Variants in MEIKIN observed in about 807,000 individuals in gnomAD.
MEIKIN encodes meiosis-specific kinetochore protein.
rs1422689728 is a variant in MEIKIN, at chr5:131,945,534, G to A, written c.-29C>T. 2.5e-6 allele frequency: 1 copy of A among 399,906 alleles called. No individual in the cohort carries two copies. Among genetic ancestry groups the A allele is most frequent in the Non-Finnish European group, 4.4e-6 (1 of 226,204 alleles). 24.8% of individuals were successfully genotyped at this position (399,906 alleles called of 1,614,324 possible). The stretch of plus-strand genomic sequence containing the variant: ...TATCCCACCCTACCCCCAGGCCACG[G>A]GTGCCTCTGGACTCTCGATGGCCTG... On this transcript the variant is annotated 5_prime_UTR_variant, in exon 1 of 13. Transcript: ENST00000442687.
At chr5:131,934,416 A>G (rs1580914546) in intron 4 of MEIKIN, among the ~76,000 whole-genome samples, 1 of 152,194 alleles carries the variant, frequency 6.6e-6, no homozygotes, top group African/African-American at 2.4e-5. Flanking sequence ...AGACTCACAC[A>G]TAGATAAGCA....
At chr5:131,810,552 T>C (rs1772934474) in intron 12 of MEIKIN, among the ~76,000 whole-genome samples, 1 of 152,174 alleles carries the variant, frequency 6.6e-6, no homozygotes, top group South Asian at 2.1e-4. Flanking sequence ...ATGAGTAAAA[T>C]AGACTAATGA....
intron 11 of MEIKIN, among the ~76,000 whole-genome samples, chr5:131,820,079 T>TG (rs1749465001): frequency 7.1e-6 from 1 of 140,914 alleles, no homozygotes; most frequent in Non-Finnish European, 1.5e-5. Context: ...CCGGCCTTTT[T>TG]TTTTTTTTTT....
At chr5:131,941,310 C>A (rs1243189458) in intron 4 of MEIKIN, among the ~76,000 whole-genome samples, 1 of 148,376 alleles carries the variant, frequency 6.7e-6, no homozygotes, top group Non-Finnish European at 1.5e-5. Context: ...AGGCGCCTGC[C>A]ACCACGCCTG....
chr5:131,866,525 C>T (rs1750388335), intron 9 of MEIKIN, among the ~76,000 whole-genome samples: 1 of 152,134 alleles, frequency 6.6e-6, no homozygotes, highest in South Asian at 2.1e-4. Context: ...GGGTTGCTTC[C>T]CCCGGGAACA....
rs151126988 is a variant in MEIKIN at position 131,924,923 on chromosome 5, A to G, written c.479-2982T>C. 7.9e-3 allele frequency among the ~76,000 whole-genome samples: 1,208 copies of G among 152,178 alleles called. 8 individuals carry two copies. The highest frequency in any genetic ancestry group is 0.011 in the Non-Finnish European group (763 of 68,000). On this transcript the variant is annotated intron_variant, in intron 5 of 12. Transcript: ENST00000442687. ...ACTAATGTTATGAAGCTTTTCCCCTATGTTTTCTTCTAGGAGTTTTACAGC... is the reference window on the plus strand; with the variant it reads ...ACTAATGTTATGAAGCTTTTCCCCTGTGTTTTCTTCTAGGAGTTTTACAGC...
chr5:131,920,995 C>T (rs1040039831), intron 6 of MEIKIN, among the ~76,000 whole-genome samples: 13 of 152,092 alleles, frequency 8.5e-5, no homozygotes, highest in East Asian at 3.9e-4. Context: ...AGCCACTGCA[C>T]CCAGCCATAA....
chr5:131,818,830 T>C lies in MEIKIN; in HGVS notation c.1009A>G (p.Ile337Val), dbSNP rs1168612620. 2 of 398,028 alleles carry C rather than the reference T, an allele frequency of 5.0e-6. No individual in the cohort carries two copies. The highest frequency in any genetic ancestry group is 8.9e-6 in the Non-Finnish European group (2 of 225,808). 24.7% of individuals were successfully genotyped at this position (398,028 alleles called of 1,614,324 possible). A position where few individuals can be genotyped will look rare whatever the true frequency, so the allele number is the denominator to read the frequency against. ...PANASEICCI[I>V]RTSPGTRQVK... ...TGTCTAGTTCCTGGTGATGTTCTAATAATACAACATATTTCTGATGCATTT... is the reference window on the plus strand; with the variant it reads ...TGTCTAGTTCCTGGTGATGTTCTAACAATACAACATATTTCTGATGCATTT... The change falls in exon 12 of 13, where the codon ATT becomes GTT. Residue 337 changes from isoleucine to valine, a missense_variant. Ile to Val is a conservative substitution (Grantham distance 29, BLOSUM62 3). Coordinates refer to ENST00000442687, the MANE Select transcript of MEIKIN (RefSeq NM_001303622.2).
chr5:131,850,048 C>CA (rs201466476), intron 11 of MEIKIN, among the ~76,000 whole-genome samples: 978 of 80,208 alleles, frequency 0.012, 8 homozygotes, highest in African/African-American at 0.025. Context: ...AAGAAATTAC[C>CA]AAAAAAAACA....
At chr5:131,938,328 C>T (rs902990440) in intron 4 of MEIKIN, among the ~76,000 whole-genome samples, 7 of 151,856 alleles carry the variant, frequency 4.6e-5, no homozygotes, top group East Asian at 1.9e-4. Flanking sequence ...CCGCCATGCC[C>T]GGCTAATTTT....
intron 8 of MEIKIN, among the ~76,000 whole-genome samples, chr5:131,890,792 C>A (rs926129920): frequency 3.9e-5 from 6 of 152,198 alleles, no homozygotes; most frequent in African/African-American, 7.2e-5. Context: ...CTCTCTAGTT[C>A]TTTTAATTGT....
rs907970758 is a variant in MEIKIN at position 131,836,150 on chromosome 5, G to A, written c.975+15114C>T. Among the ~76,000 whole-genome samples the A allele has an allele frequency of 4.6e-5, 7 of 152,078 alleles. No individual in the cohort carries two copies. The South Asian group carries it at 1.2e-3, about 27-fold the overall frequency. ...TTATAAGTGAGAATATGCCATATTT[G>A]GTTTTCTGTTCCTGTATTAGGTTGC... is the stretch of plus-strand genomic sequence containing the variant. On this transcript the variant is annotated intron_variant, in intron 11 of 12. Transcript: ENST00000442687.
chr5:131,833,244 C>T (rs2404776), intron 11 of MEIKIN, among the ~76,000 whole-genome samples: 87,589 of 152,068 alleles, frequency 0.58, 29,669 homozygotes, highest in Non-Finnish European at 0.76. Context: ...TTCCATAAAT[C>T]TCTAGGGTAG....
At chr5:131,899,606 T>C (rs73259947) in intron 8 of MEIKIN, among the ~76,000 whole-genome samples, 1 of 147,840 alleles carries the variant, frequency 6.8e-6, no homozygotes, top group South Asian at 2.1e-4. Context: ...ACTTCACCTA[T>C]AAAGACACAC....
chr5:131,935,956 T>C (rs556803246), intron 4 of MEIKIN, among the ~76,000 whole-genome samples: 2 of 152,194 alleles, frequency 1.3e-5, no homozygotes, highest in Non-Finnish European at 2.9e-5. Flanking sequence ...GAGTGTCCTG[T>C]CCCTGTCCTT....
intron 11 of MEIKIN, among the ~76,000 whole-genome samples, chr5:131,821,480 A>G (rs1749496019): frequency 6.6e-6 from 1 of 152,168 alleles, no homozygotes; most frequent in African/African-American, 2.4e-5. Context: ...AAGCCACTGG[A>G]TAAAATGTTC....
chr5:131,826,527 G>A (rs949044541), intron 11 of MEIKIN, among the ~76,000 whole-genome samples: 12 of 152,210 alleles, frequency 7.9e-5, no homozygotes, highest in South Asian at 4.1e-4. Flanking sequence ...AATATACCTC[G>A]TAAAATTTCA....
In MEIKIN at chr5:131,833,997, T is replaced by C. The variant is rs946615074; in HGVS notation, c.976-15134A>G. Among the ~76,000 whole-genome samples the C allele has an allele frequency of 4.6e-5, 7 of 152,318 alleles. No homozygotes were observed. The South Asian group carries it at 8.3e-4, about 18-fold the overall frequency. ...GAAAACCTTGTCTTCAGACACACTC[T>C]ACCTACCTAAGAAATAAGTAAAAGT... On this transcript the variant is annotated intron_variant, in intron 11 of 12. Coordinates refer to ENST00000442687, the MANE Select transcript of MEIKIN (RefSeq NM_001303622.2).
intron 8 of MEIKIN, among the ~76,000 whole-genome samples, chr5:131,879,873 A>G (rs1356644724): frequency 6.6e-6 from 1 of 152,162 alleles, no homozygotes; most frequent in Non-Finnish European, 1.5e-5. Context: ...AGTGTCTGCT[A>G]TGTGCCAATT....
Sources: allele counts gnomAD v4.1 joint callset (sites outside exome capture counted in the v4.1 genomes callset), GRCh38; gene constraint gnomAD v4.1.1; transcripts MANE v1.5; gene names NCBI Gene and HGNC (gene_info 2026-07-23, HGNC 2026-07-21).